The following GLMN variants were observed in gnomAD, a reference collection of about 807,000 sequenced individuals.
GLMN encodes the protein glomulin.
In GLMN, 75 loss-of-function variants were observed where a neutral mutation model predicts 87.8. The observed-to-expected ratio is 0.85, with a 90% CI of 0.71 to 1.04. The LOEUF (loss-of-function observed/expected upper bound fraction) is 1.04, where lower values mean the gene tolerates loss of function less well. GLMN is among the 50% of genes least tolerant of loss of function. The pLI is 0.00. For missense variants in GLMN, 588 were observed against 658.8 expected, an observed-to-expected ratio of 0.89 and a Z score of 1.18; for synonymous variants, 206 against 221.6, an observed-to-expected ratio of 0.93 and a Z score of 0.63.
chr1:92,299,034 A>T (rs1323188423), upstream of GLMN: 1 of 1,246,972 alleles, frequency 8.0e-7, no homozygotes, highest in Admixed American at 2.7e-5. Context: ...TCGGGGCGAG[A>T]CGCCGGAGCG....
At chr1:92,323,099 C>T in the GLMN span, among the ~76,000 whole-genome samples, 29 of 145,268 alleles carry the variant, frequency 2.0e-4, no homozygotes, top group Non-Finnish European at 6.0e-5. Flanking sequence ...ATATTTGCAA[C>T]AACAGGCAAA....
rs111955712 is a variant in GLMN, at chr1:92,277,669, T to C, written c.736-6017A>G. Among the ~76,000 whole-genome samples the C allele has an allele frequency of 6.9e-3, 1,057 of 152,248 alleles. 12 individuals are homozygous for C. The highest frequency in any genetic ancestry group is 0.024 in the African/African-American group (1,008 of 41,542). On this transcript the variant is annotated intron_variant, in intron 7 of 18. Transcript: ENST00000370360. ...AAGCCTCCATAAAAACCCAAAATGA[T>C]TGGATTCAGAAAGCTTCTGGAAGCT...
chr1:92,268,068 CTA>C (rs776011972), intron 10 of GLMN, 35 bp downstream of exon 10: 1 of 1,412,090 alleles, frequency 7.1e-7, no homozygotes, highest in South Asian at 1.2e-5. Flanking sequence ...GTTGACATAA[CTA>C]TGTATTTAAG....
At position 92,266,510 on chromosome 1, in the gene GLMN, ATAT is replaced by A. The variant is rs758338890; in HGVS notation, c.1141-21_1141-19del. 51 of 1,403,448 alleles carry A rather than the reference ATAT, an allele frequency of 3.6e-5. No homozygotes were observed. Among genetic ancestry groups the A allele is most frequent in the Non-Finnish European group, 4.5e-5 (45 of 993,288 alleles). 86.9% of individuals were successfully genotyped at this position (1,403,448 alleles called of 1,614,324 possible). A position where few individuals can be genotyped will look rare whatever the true frequency, so the allele number is the denominator to read the frequency against. On this transcript the variant is annotated intron_variant, in intron 12 of 18. Coordinates refer to ENST00000370360, the MANE Select transcript of GLMN (RefSeq NM_053274.3). ...TTTTTCCTCTAAAATGGAACAAACA[ATAT>A]TATTATATAAAATGAATAAAGCTTA...
intron 7 of GLMN, among the ~76,000 whole-genome samples, chr1:92,286,039 A>G (rs899889466): frequency 1.3e-5 from 2 of 152,040 alleles, no homozygotes; most frequent in African/African-American, 4.8e-5. Context: ...TACTTATCAT[A>G]GACTTAACAG....
At chr1:92,317,450 G>A in the GLMN span, among the ~76,000 whole-genome samples, 1 of 152,102 alleles carries the variant, frequency 6.6e-6, no homozygotes, top group African/African-American at 2.4e-5. Flanking sequence ...GGAGGTTGCA[G>A]TGAGCCGAGA....
chr1:92,316,208 C>T, the GLMN span, among the ~76,000 whole-genome samples: 1 of 152,076 alleles, frequency 6.6e-6, no homozygotes, highest in Admixed American at 6.5e-5. Context: ...TCATCTGGTC[C>T]AGAGTAGGGG....
chr1:92,326,271 A>G, the GLMN span, among the ~76,000 whole-genome samples: 3 of 152,152 alleles, frequency 2.0e-5, no homozygotes, highest in Admixed American at 6.5e-5. Flanking sequence ...ATTCAGCACT[A>G]TTTTATTTGC....
intron 16 of GLMN, among the ~76,000 whole-genome samples, chr1:92,255,925 GAGAT>G (rs1363207956): frequency 9.2e-5 from 14 of 151,964 alleles, no homozygotes. Context: ...AGCACAACTG[GAGAT>G]AGAGACGCAA....
At chr1:92,272,081 G>A (rs1386519010) in intron 7 of GLMN, among the ~76,000 whole-genome samples, 1 of 152,216 alleles carries the variant, frequency 6.6e-6, no homozygotes, top group Non-Finnish European at 1.5e-5. Flanking sequence ...GCTCCTAGAA[G>A]CTAAATGTGG....
chr1:92,327,526 T>C, the GLMN span, among the ~76,000 whole-genome samples: 1 of 152,240 alleles, frequency 6.6e-6, no homozygotes, highest in Non-Finnish European at 1.5e-5. Flanking sequence ...TTCCACCCTT[T>C]ACCTTAAGTT....
chr1:92,282,081 C>T lies in GLMN; in HGVS notation c.735+4409G>A, dbSNP rs143843642. Among the ~76,000 whole-genome samples the T allele has an allele frequency of 3.6e-3, 543 of 152,304 alleles. 3 individuals are homozygous for T. Among genetic ancestry groups the T allele is most frequent in the African/African-American group, 0.013 (524 of 41,570 alleles). On this transcript the variant is annotated intron_variant, in intron 7 of 18. Transcript: ENST00000370360. ...ACAGAACAATGAGACAGAAGGTTAA[C>T]AAGGATATCCAGGACTTGAACTCAG...
intron 14 of GLMN, 149 bp downstream of exon 14, chr1:92,264,405 G>A (rs1453460973): frequency 5.2e-6 from 3 of 581,986 alleles, no homozygotes; most frequent in Admixed American, 3.2e-5. Flanking sequence ...TTAAAACATA[G>A]TAGAAATAGG....
At chr1:92,334,732 A>G in the GLMN span, among the ~76,000 whole-genome samples, 1 of 152,100 alleles carries the variant, frequency 6.6e-6, no homozygotes, top group Non-Finnish European at 1.5e-5. Flanking sequence ...CACACCTGTA[A>G]TCCCAGCACT....
chr1:92,353,484 T>C, the GLMN span, among the ~76,000 whole-genome samples: 1 of 152,220 alleles, frequency 6.6e-6, no homozygotes, highest in African/African-American at 2.4e-5. Flanking sequence ...TTTAGGAATT[T>C]CTACTATACA....
rs1214813514 is a variant in GLMN, at chr1:92,267,900, A to G, written c.1098+13T>C. On this transcript the variant is annotated intron_variant, in intron 11 of 18. Coordinates refer to ENST00000370360, the MANE Select transcript of GLMN (RefSeq NM_053274.3). ...AGGGCTATTTTCAATATTAGAATACATATTTTATTTACCTGAGGTACAGTA... is the reference window on the plus strand; with the variant it reads ...AGGGCTATTTTCAATATTAGAATACGTATTTTATTTACCTGAGGTACAGTA... 4.3e-6 allele frequency: 5 copies of G among 1,157,114 alleles called. No individual in the cohort carries two copies. Among genetic ancestry groups the G allele is most frequent in the South Asian group, 1.2e-5 (1 of 81,956 alleles). 71.7% of individuals were successfully genotyped at this position (1,157,114 alleles called of 1,614,324 possible). A position where few individuals can be genotyped will look rare whatever the true frequency, so the allele number is the denominator to read the frequency against.
intron 1 of GLMN, among the ~76,000 whole-genome samples, 197 bp downstream of exon 1, chr1:92,298,728 G>A (rs1244986592): frequency 1.3e-5 from 2 of 152,132 alleles, no homozygotes; most frequent in Non-Finnish European, 2.9e-5. Context: ...TCAGGGCAGC[G>A]CGCTGGAAGG....
At chr1:92,307,373 A>G in the GLMN span, 1 of 747,278 alleles carries the variant, frequency 1.3e-6, no homozygotes, top group South Asian at 2.2e-5. Flanking sequence ...GTTTTCTGTA[A>G]AAAGTTACCA....
upstream of GLMN, chr1:92,299,043 C>T (rs577754981): frequency 1.2e-4 from 160 of 1,332,320 alleles, no homozygotes; most frequent in Admixed American, 4.0e-3. Flanking sequence ...GACGCCGGAG[C>T]GTGTCCCCGT....
Sources: gnomAD v4.1 joint callset for allele counts (sites outside exome capture counted in the v4.1 genomes callset) on GRCh38, gnomAD v4.1.1 for gene constraint, MANE v1.5 for transcripts, NCBI Gene and HGNC (gene_info 2026-07-23, HGNC 2026-07-21) for gene names.